The following MYO16 variants were observed in gnomAD, a reference collection of about 807,000 sequenced individuals.
MYO16 encodes the protein myosin XVI.
Under a neutral mutation model 205.3 loss-of-function variants are expected in MYO16, and 94 were observed. The ratio of observed to expected loss-of-function variants is 0.46; its 90% CI spans 0.39 to 0.54. The LOEUF is 0.54. Ranked by LOEUF, MYO16 falls within the 20% of genes least tolerant of loss-of-function variation. The pLI, the probability that MYO16 is intolerant of heterozygous loss-of-function variation, is 0.00. For synonymous variants in MYO16, 988 were observed against 954.0 expected, an observed-to-expected ratio of 1.04 and a Z score of -0.66; for missense variants, 2,315 against 2,387.5, an observed-to-expected ratio of 0.97 and a Z score of 0.63.
chr13:108,756,243 TAA>T (rs138526025), intron 4 of MYO16, among the ~76,000 whole-genome samples: 4,589 of 152,248 alleles, frequency 0.03, 227 homozygotes, highest in African/African-American at 0.1. Context: ...TCTTTAAATA[TAA>T]GAGCATACAA....
intron 17 of MYO16, among the ~76,000 whole-genome samples, chr13:108,958,979 A>G (rs1281884310): frequency 2.6e-5 from 4 of 152,158 alleles, no homozygotes; most frequent in Non-Finnish European, 5.9e-5. Flanking sequence ...CAATACATGG[A>G]TGGATTTGGG....
chr13:108,818,787 T>G (rs2139011256), intron 7 of MYO16, among the ~76,000 whole-genome samples: 1 of 152,298 alleles, frequency 6.6e-6, no homozygotes, highest in African/African-American at 2.4e-5. Flanking sequence ...ATTTGGAAAC[T>G]TAGGCAAAAC....
intron 4 of MYO16, among the ~76,000 whole-genome samples, chr13:108,733,519 G>C (rs948844401): frequency 6.6e-6 from 1 of 152,168 alleles, no homozygotes; most frequent in African/African-American, 2.4e-5. Context: ...CTGATCTGGT[G>C]CTATATTGCT....
At chr13:109,028,207 T>G (rs775177557) in intron 23 of MYO16, among the ~76,000 whole-genome samples, 5 of 150,460 alleles carry the variant, frequency 3.3e-5, no homozygotes, top group Non-Finnish European at 5.9e-5. Context: ...AATTGAGATA[T>G]TTCTCTAACT....
At chr13:108,871,346 G>GTA (rs1879046990) in intron 12 of MYO16, among the ~76,000 whole-genome samples, 1 of 144,598 alleles carries the variant, frequency 6.9e-6, no homozygotes, top group Non-Finnish European at 1.5e-5. Flanking sequence ...GTGTGTGTGT[G>GTA]TGTGTGTGTG....
At chr13:108,848,250 G>A (rs1039718975) in intron 10 of MYO16, among the ~76,000 whole-genome samples, 10 of 152,100 alleles carry the variant, frequency 6.6e-5, no homozygotes, top group South Asian at 2.1e-4. Flanking sequence ...CTCCCTGCCC[G>A]GATCTGTTCT....
rs190996882 is a variant in MYO16 at position 108,818,710 on chromosome 13, G to A, written c.868-1627G>A. On this transcript the variant is annotated intron_variant, in intron 7 of 34. Transcript: ENST00000457511. ...GAAACATAACTACACAAACAGCACAGCTATTAAAAAGAGAATAAAAGGAAA... is the reference window on the plus strand; with the variant it reads ...GAAACATAACTACACAAACAGCACAACTATTAAAAAGAGAATAAAAGGAAA... Among the ~76,000 whole-genome samples the A allele has an allele frequency of 6.6e-5, 10 of 152,176 alleles. No homozygotes were observed. The East Asian group carries it at 1.9e-3, about 29-fold the overall frequency.
chr13:109,017,169 A>T (rs1349972594), intron 22 of MYO16, among the ~76,000 whole-genome samples: 1 of 152,190 alleles, frequency 6.6e-6, no homozygotes, highest in African/African-American at 2.4e-5. Flanking sequence ...GGTGATGACA[A>T]AATCTCTCAG....
At chr13:108,605,133 G>A (rs1486771604) in intron 1 of MYO16, among the ~76,000 whole-genome samples, 1 of 152,156 alleles carries the variant, frequency 6.6e-6, no homozygotes, top group African/African-American at 2.4e-5. Flanking sequence ...ACAGTTATAT[G>A]CTTGTTCAGT....
At chr13:108,632,163 G>A (rs1176195997) in intron 1 of MYO16, among the ~76,000 whole-genome samples, 6 of 151,460 alleles carry the variant, frequency 4.0e-5, no homozygotes, top group Admixed American at 3.3e-4. Context: ...TGGTTTAATG[G>A]TTGTTCCTGA....
chr13:109,154,783 C>G (rs1265128394), intron 32 of MYO16, among the ~76,000 whole-genome samples: 4 of 151,964 alleles, frequency 2.6e-5, no homozygotes, highest in Non-Finnish European at 5.9e-5. Flanking sequence ...ACGTTACCAC[C>G]TGGCATTGAG....
chr13:108,902,940 T>G (rs1025314921), intron 15 of MYO16, among the ~76,000 whole-genome samples: 1 of 152,178 alleles, frequency 6.6e-6, no homozygotes, highest in Non-Finnish European at 1.5e-5. Context: ...TTATTCTGAG[T>G]AACGTGATGA....
At chr13:108,807,886 T>G (rs576714410) in intron 7 of MYO16, among the ~76,000 whole-genome samples, 26 of 152,142 alleles carry the variant, frequency 1.7e-4, no homozygotes, top group Non-Finnish European at 2.8e-4. Context: ...GAAAATTAAT[T>G]TATCATTATT....
chr13:108,751,936 C>A (rs890211972), intron 4 of MYO16, among the ~76,000 whole-genome samples: 1 of 152,114 alleles, frequency 6.6e-6, no homozygotes, highest in African/African-American at 2.4e-5. Flanking sequence ...ATGTAGTATC[C>A]TGATGAGATC....
At chr13:108,586,601 TTG>T in the MYO16 span, among the ~76,000 whole-genome samples, 1 of 152,186 alleles carries the variant, frequency 6.6e-6, no homozygotes, top group African/African-American at 2.4e-5. Flanking sequence ...GGGGCTGTAT[TTG>T]TCCATTCAAG....
At chr13:109,193,098 A>G (rs1393280995) in intron 34 of MYO16, among the ~76,000 whole-genome samples, 1 of 152,092 alleles carries the variant, frequency 6.6e-6, no homozygotes, top group Non-Finnish European at 1.5e-5. Flanking sequence ...CACACTTCAT[A>G]CATACTCTCT....
the MYO16 span, among the ~76,000 whole-genome samples, chr13:108,546,157 C>G: frequency 4.6e-5 from 7 of 152,138 alleles, no homozygotes; most frequent in Non-Finnish European, 7.3e-5. Flanking sequence ...GAGAGACAGA[C>G]AAAAGTGAGG....
intron 15 of MYO16, among the ~76,000 whole-genome samples, chr13:108,898,832 T>A (rs917087768): frequency 7.2e-5 from 11 of 152,310 alleles, no homozygotes; most frequent in Admixed American, 2.6e-4. Flanking sequence ...TAAAACAGAT[T>A]ATTAATGCAA....
At chr13:108,608,872 G>A (rs1879065008) in intron 1 of MYO16, among the ~76,000 whole-genome samples, 2 of 152,114 alleles carry the variant, frequency 1.3e-5, no homozygotes, top group South Asian at 2.1e-4. Flanking sequence ...CCAAACACCC[G>A]ACCTCAGGGG....
Sources: allele counts gnomAD v4.1 joint callset (sites outside exome capture counted in the v4.1 genomes callset), GRCh38; gene constraint gnomAD v4.1.1; transcripts MANE v1.5; gene names NCBI Gene and HGNC (gene_info 2026-07-23, HGNC 2026-07-21).